HTR1F: variants seen among roughly 807,000 people sequenced by gnomAD.
HTR1F encodes 5-hydroxytryptamine (serotonin) receptor 1F, G protein-coupled.
HTR1F carries 17 observed loss-of-function variants against 24.0 expected under a neutral mutation model. The ratio of observed to expected loss-of-function variants is 0.71; its 90% CI spans 0.48 to 1.06. The LOEUF (loss-of-function observed/expected upper bound fraction) is 1.06. Ranked by LOEUF, HTR1F falls within the 50% of genes least tolerant of loss-of-function variation. The probability of loss-of-function intolerance (pLI) is 0.00; values close to 1 mark genes in which losing one functional copy is unlikely to be tolerated. For missense variants in HTR1F, 391 were observed against 427.8 expected, an observed-to-expected ratio of 0.91 and a Z score of 0.76; for synonymous variants, 186 against 156.8, an observed-to-expected ratio of 1.19 and a Z score of -1.39.
chr3:87,941,044 T>TG (rs1314678843), intron 2 of HTR1F, among the ~76,000 whole-genome samples: 2 of 152,240 alleles, frequency 1.3e-5, no homozygotes. Context: ...CCTTTGGACC[T>TG]GTGTAAGGAC....
intron 1 of HTR1F, among the ~76,000 whole-genome samples, chr3:87,820,393 G>A (rs894526835): frequency 2.0e-5 from 3 of 151,576 alleles, no homozygotes; most frequent in African/African-American, 7.3e-5. Context: ...AGCCGGGATG[G>A]TCTCGATCTC....
At chr3:87,800,205 G>A (rs967016994) in intron 1 of HTR1F, among the ~76,000 whole-genome samples, 3 of 152,034 alleles carry the variant, frequency 2.0e-5, no homozygotes, top group Non-Finnish European at 4.4e-5. Context: ...GGCTCCTCAT[G>A]TCATTCTGGG....
At chr3:87,921,457 A>C (rs1704010593) in intron 2 of HTR1F, among the ~76,000 whole-genome samples, 1 of 151,946 alleles carries the variant, frequency 6.6e-6, no homozygotes, top group Non-Finnish European at 1.5e-5. Flanking sequence ...ACACGATATA[A>C]TTGTACATGT....
At chr3:87,894,191 C>T (rs1224903141) in intron 2 of HTR1F, among the ~76,000 whole-genome samples, 2 of 152,082 alleles carry the variant, frequency 1.3e-5, no homozygotes, top group Non-Finnish European at 2.9e-5. Flanking sequence ...CACCCTTTCC[C>T]CCTGAATCCG....
chr3:87,956,229 T>C (rs1048743010), intron 2 of HTR1F, among the ~76,000 whole-genome samples: 2 of 151,412 alleles, frequency 1.3e-5, no homozygotes, highest in Non-Finnish European at 3.0e-5. Context: ...TGTAAAGAAT[T>C]GATAATCATT....
intron 2 of HTR1F, among the ~76,000 whole-genome samples, chr3:87,946,355 G>A (rs1044216853): frequency 1.3e-5 from 2 of 152,036 alleles, no homozygotes; most frequent in Non-Finnish European, 2.9e-5. Context: ...CCCATACAAA[G>A]GGAGGGGCCC....
chr3:87,941,890 T>C (rs1704577719), intron 2 of HTR1F, among the ~76,000 whole-genome samples: 1 of 152,138 alleles, frequency 6.6e-6, no homozygotes, highest in Non-Finnish European at 1.5e-5. Context: ...TCTGTACTCC[T>C]AAAATTGGAG....
intron 2 of HTR1F, among the ~76,000 whole-genome samples, chr3:87,908,431 GT>G (rs1703710550): frequency 6.6e-6 from 1 of 151,892 alleles, no homozygotes; most frequent in South Asian, 2.1e-4. Flanking sequence ...ATTCTGATGT[GT>G]TTTCTTAAAT....
intron 1 of HTR1F, among the ~76,000 whole-genome samples, chr3:87,814,992 A>G (rs959693807): frequency 1.3e-5 from 2 of 152,124 alleles, no homozygotes; most frequent in African/African-American, 4.8e-5. Flanking sequence ...GCTATGGGCA[A>G]TGACACATGG....
chr3:87,879,739 A>C (rs1347635458), intron 2 of HTR1F, among the ~76,000 whole-genome samples: 2 of 152,160 alleles, frequency 1.3e-5, no homozygotes, highest in Non-Finnish European at 2.9e-5. Context: ...ATTTCATTTT[A>C]TGGAGTTAAC....
intron 2 of HTR1F, 113 bp from the exon 3 acceptor site, chr3:87,990,595 T>G (rs1705798744): frequency 1.8e-6 from 1 of 554,386 alleles, no homozygotes; most frequent in Non-Finnish European, 3.1e-6. Context: ...ATTTTTTTAA[T>G]CTATAGAATA....
At chr3:87,877,204 T>C (rs2107271001) in intron 2 of HTR1F, among the ~76,000 whole-genome samples, 1 of 152,156 alleles carries the variant, frequency 6.6e-6, no homozygotes, top group African/African-American at 2.4e-5. Context: ...ATAAACCAAA[T>C]GATATTACCT....
At chr3:87,917,174 T>G (rs1332575150) in intron 2 of HTR1F, among the ~76,000 whole-genome samples, 1 of 151,748 alleles carries the variant, frequency 6.6e-6, no homozygotes, top group Non-Finnish European at 1.5e-5. Flanking sequence ...ATGAAAGTAG[T>G]GAGAAAACCT....
intron 2 of HTR1F, among the ~76,000 whole-genome samples, chr3:87,949,247 C>A (rs1446102821): frequency 1.1e-4 from 16 of 152,222 alleles, no homozygotes; most frequent in Admixed American, 1.0e-3. Context: ...CACTGTCTTA[C>A]AAATAATTTC....
At chr3:87,828,842 C>T (rs936185964) in intron 2 of HTR1F, among the ~76,000 whole-genome samples, 2 of 152,104 alleles carry the variant, frequency 1.3e-5, no homozygotes, top group African/African-American at 4.8e-5. Flanking sequence ...TTTAATTCAA[C>T]CTTCTGGACG....
chr3:87,815,701 C>T (rs1391873610), intron 1 of HTR1F, among the ~76,000 whole-genome samples: 2 of 151,984 alleles, frequency 1.3e-5, no homozygotes, highest in Non-Finnish European at 2.9e-5. Flanking sequence ...TTGACATTAG[C>T]AAATTAAAAT....
At chr3:87,839,823 G>A (rs1575929210) in intron 2 of HTR1F, among the ~76,000 whole-genome samples, 3 of 152,020 alleles carry the variant, frequency 2.0e-5, no homozygotes, top group African/African-American at 7.2e-5. Context: ...TGTGCCCAAC[G>A]TTTAGCTCCC....
intron 2 of HTR1F, among the ~76,000 whole-genome samples, chr3:87,969,990 T>C (rs1299269097): frequency 6.6e-6 from 1 of 152,146 alleles, no homozygotes; most frequent in Non-Finnish European, 1.5e-5. Flanking sequence ...CATGCAGACA[T>C]GGCTTTTGCC....
At chr3:87,927,519 T>C (rs1576041283) in intron 2 of HTR1F, among the ~76,000 whole-genome samples, 1 of 152,122 alleles carries the variant, frequency 6.6e-6, no homozygotes. Flanking sequence ...AAAATGTATA[T>C]TATATTATTT....
Sources: allele counts gnomAD v4.1 joint callset (sites outside exome capture counted in the v4.1 genomes callset), GRCh38; gene constraint gnomAD v4.1.1; transcripts MANE v1.5; gene names NCBI Gene and HGNC (gene_info 2026-07-23, HGNC 2026-07-21).